The following LRRC39 variants were observed in gnomAD, a reference collection of about 807,000 sequenced individuals.
LRRC39 encodes the protein leucine-rich repeat-containing protein 39.
LRRC39 carries 35 observed loss-of-function variants against 39.7 expected under a neutral mutation model. The observed-to-expected ratio is 0.88, with a 90% CI of 0.67 to 1.17. The LOEUF (loss-of-function observed/expected upper bound fraction) is 1.17. Among genes scored for constraint, LRRC39 ranks in the 50% most tolerant of loss-of-function variants. LRRC39 has a pLI of 0.00. For missense variants in LRRC39, 357 were observed against 385.8 expected (o/e 0.93, Z 0.62); for synonymous variants, 113 against 134.1 (o/e 0.84, Z 1.09).
intron 3 of LRRC39, among the ~76,000 whole-genome samples, chr1:100,163,370 G>A (rs1557926754): frequency 6.6e-6 from 1 of 152,086 alleles, no homozygotes; most frequent in Non-Finnish European, 1.5e-5. Context: ...TTCACGGTCA[G>A]GCTATTATTA....
chr1:100,153,706 CAG>C, intron 8 of LRRC39, among the ~76,000 whole-genome samples: 1 of 152,064 alleles, frequency 6.6e-6, no homozygotes, highest in East Asian at 1.9e-4. Context: ...AAATGCTTGA[CAG>C]AGTTTTGATA....
Position 100,148,481 on chromosome 1 carries a change from TATA to T in LRRC39, c.*558_*560del. Reference sequence around the variant, plus strand: ...ACACATCTTTTATTGTGGTCATAAATATAATGTGTCTTGGAAGCATGGGACAAA... The same window carrying T: ...ACACATCTTTTATTGTGGTCATAAATATGTGTCTTGGAAGCATGGGACAAA... On this transcript the variant is annotated 3_prime_UTR_variant, in exon 10 of 10. Coordinates refer to ENST00000370137, the MANE Select transcript of LRRC39 (RefSeq NM_144620.4). The T allele has an allele frequency of 1.9e-6, 2 of 1,065,190 alleles. No individual in the cohort carries two copies. The highest frequency in any genetic ancestry group is 2.7e-6 in the Non-Finnish European group (2 of 738,460). 66.0% of individuals were successfully genotyped at this position (1,065,190 alleles called of 1,614,324 possible).
intron 3 of LRRC39, among the ~76,000 whole-genome samples, chr1:100,164,674 C>CA (rs1392350057): frequency 6.6e-6 from 1 of 151,894 alleles, no homozygotes; most frequent in Non-Finnish European, 1.5e-5. Context: ...CATTTTGCGT[C>CA]AGTTATGATT....
intron 1 of LRRC39, among the ~76,000 whole-genome samples, chr1:100,173,606 A>G (rs1433621311): frequency 6.6e-6 from 1 of 152,192 alleles, no homozygotes; most frequent in Non-Finnish European, 1.5e-5. Flanking sequence ...ATACTGTATC[A>G]TGGCTCTACC....
At chr1:100,170,196 G>T (rs1171079560) in intron 2 of LRRC39, among the ~76,000 whole-genome samples, 2 of 152,156 alleles carry the variant, frequency 1.3e-5, no homozygotes, top group Non-Finnish European at 2.9e-5. Flanking sequence ...CATGAATGTT[G>T]ATAGAAACAG....
Position 100,148,625 on chromosome 1 carries a change from G to T in LRRC39, c.*417C>A. Reference sequence around the variant, plus strand: ...TTTTGTGTGTGTTTATTCAATTTAGGCTTCTTAGTGTTGAAGAAAAGAAGA... The same window carrying T: ...TTTTGTGTGTGTTTATTCAATTTAGTCTTCTTAGTGTTGAAGAAAAGAAGA... On this transcript the variant is annotated 3_prime_UTR_variant, in exon 10 of 10. Coordinates refer to ENST00000370137, the MANE Select transcript of LRRC39 (RefSeq NM_144620.4). The T allele has an allele frequency of 6.3e-7, 1 of 1,598,542 alleles. No individual in the cohort carries two copies. The highest frequency in any genetic ancestry group is 8.5e-7 in the Non-Finnish European group (1 of 1,175,808).
At chr1:100,152,781 T>C (rs1037057067) in intron 8 of LRRC39, among the ~76,000 whole-genome samples, 6 of 152,116 alleles carry the variant, frequency 3.9e-5, no homozygotes, top group Non-Finnish European at 5.9e-5. Flanking sequence ...GGCTGGAGTG[T>C]AGTGGCATGA....
At chr1:100,176,467 T>C (rs942595336) in intron 1 of LRRC39, among the ~76,000 whole-genome samples, 1 of 152,130 alleles carries the variant, frequency 6.6e-6, no homozygotes, top group Non-Finnish European at 1.5e-5. Context: ...TATTCATCCA[T>C]TGAATTATAA....
intron 9 of LRRC39, chr1:100,150,380 T>C (rs1402200812): frequency 6.6e-6 from 1 of 152,230 alleles, no homozygotes; most frequent in African/African-American, 2.4e-5. Flanking sequence ...AATGAAGATA[T>C]ATCATTAAAT....
intron 1 of LRRC39, among the ~76,000 whole-genome samples, chr1:100,175,933 T>C (rs557188454): frequency 6.6e-6 from 1 of 152,308 alleles, no homozygotes; most frequent in African/African-American, 2.4e-5. Context: ...ACTCCTGGTA[T>C]ATTGGTGAAA....
At chr1:100,155,320 A>G in intron 7 of LRRC39, 117 bp from the exon 8 acceptor site, 1 of 922,530 alleles carries the variant, frequency 1.1e-6, no homozygotes, top group Non-Finnish European at 1.5e-6. Flanking sequence ...GATGGTCTCA[A>G]ACTCCTGAGC....
chr1:100,159,893 A>T (rs1658748999), intron 4 of LRRC39, among the ~76,000 whole-genome samples: 2 of 152,078 alleles, frequency 1.3e-5, no homozygotes, highest in Non-Finnish European at 2.9e-5. Context: ...ACTATTCTGA[A>T]CTCTGTGCCT....
chr1:100,163,652 C>G (rs1659042700), intron 3 of LRRC39, among the ~76,000 whole-genome samples: 1 of 150,924 alleles, frequency 6.6e-6, no homozygotes, highest in South Asian at 2.1e-4. Context: ...AGTCTGGTCT[C>G]GAACTCCTAA....
intron 1 of LRRC39, among the ~76,000 whole-genome samples, chr1:100,175,112 G>T (rs1302818252): frequency 2.0e-5 from 3 of 149,868 alleles, no homozygotes; most frequent in Non-Finnish European, 4.5e-5. Context: ...TTCCTGTAAA[G>T]CCTGCAGAAC....
chr1:100,156,183 A>G lies in LRRC39; in HGVS notation c.648T>C (p.Asp216=). The change falls in exon 7 of 10, where the codon GAT becomes GAC. Residue 216 remains aspartate (D), a synonymous_variant. Coordinates refer to ENST00000370137, the MANE Select transcript of LRRC39 (RefSeq NM_144620.4). The part of the protein sequence containing the change: ...MGSNKLEQLP[D]TIERMQNLHT... ...GTTATTTCTTTTACCTTTCTATAGT[A>G]TCAGGAAGTTGTTCAAGTTTGTTGC... 6.2e-7 allele frequency: 1 copy of G among 1,613,826 alleles called. No homozygotes were observed. The highest frequency in any genetic ancestry group is 8.5e-7 in the Non-Finnish European group (1 of 1,179,850).
intron 9 of LRRC39, among the ~76,000 whole-genome samples, chr1:100,151,126 C>CAAAAAAA (rs772782982): frequency 2.3e-5 from 1 of 43,674 alleles, no homozygotes; most frequent in South Asian, 1.2e-3. Flanking sequence ...AGAAACTCCT[C>CAAAAAAA]AAAAAAAAAA....
At chr1:100,151,926 G>A (rs1229671276) in intron 9 of LRRC39, among the ~76,000 whole-genome samples, 3 of 152,042 alleles carry the variant, frequency 2.0e-5, no homozygotes, top group Non-Finnish European at 4.4e-5. Flanking sequence ...ACTCCAGCCT[G>A]GGCAACATAG....
chr1:100,168,336 G>T, intron 3 of LRRC39, 68 bp downstream of exon 3: 3 of 1,126,330 alleles, frequency 2.7e-6, no homozygotes, highest in Non-Finnish European at 3.8e-6. Context: ...CATTTAGAAT[G>T]CTCTTTTTTA....
intron 2 of LRRC39, 50 bp downstream of exon 2, chr1:100,173,281 C>T (rs1402647380): frequency 6.6e-6 from 1 of 151,394 alleles, no homozygotes; most frequent in African/African-American, 2.4e-5. Flanking sequence ...AAAGAAAATA[C>T]ATTACAGCCA....
Sources: allele counts gnomAD v4.1 joint callset (sites outside exome capture counted in the v4.1 genomes callset), GRCh38; gene constraint gnomAD v4.1.1; transcripts MANE v1.5; gene names NCBI Gene and HGNC (gene_info 2026-07-23, HGNC 2026-07-21).